AFG1L: variants seen among roughly 807,000 people sequenced by gnomAD.
AFG1L encodes AFG1 like ATPase.
AFG1L carries 53 observed loss-of-function variants against 62.2 expected under a neutral mutation model. The ratio of observed to expected loss-of-function variants is 0.85; its 90% CI spans 0.68 to 1.07. AFG1L has a LOEUF of 1.07. Among genes scored for constraint, AFG1L ranks in the 50% least tolerant of loss-of-function variants. The pLI is 0.00. For synonymous variants in AFG1L, 228 were observed against 210.3 expected (o/e 1.08, Z -0.73); for missense variants, 555 against 590.5 (o/e 0.94, Z 0.62).
Position 108,519,678 on chromosome 6 carries a change from C to G in AFG1L, c.1204-19C>G. 7.7e-7 allele frequency: 1 copy of G among 1,305,628 alleles called. No individual in the cohort carries two copies. The highest frequency in any genetic ancestry group is 1.1e-6 in the Non-Finnish European group (1 of 911,262). The allele number at this position is 1,305,628 out of a possible 1,614,324, so 80.9% of individuals were successfully genotyped here. On this transcript the variant is annotated intron_variant, in intron 11 of 12. Transcript: ENST00000368977. Reference sequence around the variant, plus strand: ...GAAATGTAAAGAGTAACACATTTACCCATTTTCTTCTATTTCAGGTGCGTA... The same window carrying G: ...GAAATGTAAAGAGTAACACATTTACGCATTTTCTTCTATTTCAGGTGCGTA...
intron 8 of AFG1L, among the ~76,000 whole-genome samples, chr6:108,459,519 C>T (rs1184614865): frequency 3.9e-5 from 6 of 152,158 alleles, no homozygotes; most frequent in Admixed American, 3.3e-4. Flanking sequence ...CTCTTATTCC[C>T]ATCATGGCCA....
chr6:108,402,012 A>T lies in AFG1L; in HGVS notation c.765A>T (p.Gly255=). Reference sequence around the variant, plus strand: ...TTCTTTCAGATCTCTATAAAAATGGACTCCAAAGAGCTAACTTTGTACCAT... The same window carrying T: ...TTCTTTCAGATCTCTATAAAAATGGTCTCCAAAGAGCTAACTTTGTACCAT... ...NRPPEDLYKN[G]LQRANFVPFI... is the part of the protein sequence containing the mutation. The change falls in exon 7 of 13, where the codon GGA becomes GGT. Residue 255 remains glycine, a synonymous_variant. Transcript: ENST00000368977. The T allele has an allele frequency of 6.6e-7, 1 of 1,503,814 alleles. No individual in the cohort carries two copies. Among genetic ancestry groups the T allele is most frequent in the Non-Finnish European group, 9.0e-7 (1 of 1,113,658 alleles). 93.2% of individuals were successfully genotyped at this position (1,503,814 alleles called of 1,614,324 possible).
chr6:108,345,429 G>C (rs945233965), intron 2 of AFG1L, among the ~76,000 whole-genome samples: 2 of 151,606 alleles, frequency 1.3e-5, no homozygotes, highest in African/African-American at 4.8e-5. Flanking sequence ...ATGTGATCTC[G>C]ATTCACTGTA....
In AFG1L at chr6:108,321,635, T is replaced by G. The variant is rs541433438; in HGVS notation, c.140-2190T>G. Among the ~76,000 whole-genome samples the G allele has an allele frequency of 2.4e-4, 36 of 152,334 alleles. No individual in the cohort carries two copies. In the South Asian group the frequency reaches 7.5e-3, roughly 32 times the overall value. ...ACCAGGGACAAAGATCAAATATATT[T>G]CTTATTATGCCACACTGGCAAATAT... On this transcript the variant is annotated intron_variant, in intron 1 of 12. Transcript: ENST00000368977.
intron 1 of AFG1L, among the ~76,000 whole-genome samples, chr6:108,315,664 T>C (rs899643266): frequency 2.0e-5 from 3 of 152,112 alleles, no homozygotes; most frequent in Non-Finnish European, 2.9e-5. Flanking sequence ...CACTGTAACC[T>C]CAAACTCCTG....
chr6:108,413,680 A>G (rs1782219433), intron 7 of AFG1L, among the ~76,000 whole-genome samples: 1 of 152,232 alleles, frequency 6.6e-6, no homozygotes, highest in South Asian at 2.1e-4. Flanking sequence ...TGGGTACATA[A>G]CAAAATGAAG....
chr6:108,348,111 C>T (rs1021256555), intron 3 of AFG1L, among the ~76,000 whole-genome samples: 1 of 152,126 alleles, frequency 6.6e-6, no homozygotes, highest in Non-Finnish European at 1.5e-5. Flanking sequence ...GATGGAGTCT[C>T]TCTCTGTCAC....
At chr6:108,496,900 A>G (rs990846302) in intron 10 of AFG1L, among the ~76,000 whole-genome samples, 1 of 152,172 alleles carries the variant, frequency 6.6e-6, no homozygotes, top group Non-Finnish European at 1.5e-5. Flanking sequence ...TTTTTTTATC[A>G]TGGCATGTTT....
At chr6:108,400,140 T>G (rs1391575585) in intron 6 of AFG1L, among the ~76,000 whole-genome samples, 1 of 152,124 alleles carries the variant, frequency 6.6e-6, no homozygotes, top group Non-Finnish European at 1.5e-5. Flanking sequence ...ACAAGGATAA[T>G]TTGACTGTTT....
intron 8 of AFG1L, among the ~76,000 whole-genome samples, chr6:108,451,930 G>T (rs1772073609): frequency 6.6e-6 from 1 of 152,092 alleles, no homozygotes; most frequent in Admixed American, 6.6e-5. Context: ...TGCCCGGCTG[G>T]TCTTGAACTC....
At chr6:108,297,435 G>T (rs1776806594) in intron 1 of AFG1L, among the ~76,000 whole-genome samples, 1 of 152,118 alleles carries the variant, frequency 6.6e-6, no homozygotes, top group Non-Finnish European at 1.5e-5. Flanking sequence ...GAAAATTTTA[G>T]TTGAAATTTT....
At chr6:108,487,047 A>G (rs1175177894) in intron 10 of AFG1L, among the ~76,000 whole-genome samples, 2 of 152,228 alleles carry the variant, frequency 1.3e-5, no homozygotes, top group African/African-American at 4.8e-5. Flanking sequence ...CTGTATGCCT[A>G]TGTTATGAGG....
At chr6:108,296,691 C>T (rs1776779344) in intron 1 of AFG1L, among the ~76,000 whole-genome samples, 1 of 152,142 alleles carries the variant, frequency 6.6e-6, no homozygotes, top group Non-Finnish European at 1.5e-5. Flanking sequence ...ATATCAATTT[C>T]ATATGAATAG....
chr6:108,309,106 A>G (rs1051992302), intron 1 of AFG1L, among the ~76,000 whole-genome samples: 6 of 152,190 alleles, frequency 3.9e-5, no homozygotes, highest in Non-Finnish European at 7.3e-5. Context: ...AGGTATTTTC[A>G]TATGTTCTTT....
chr6:108,458,789 TCCTG>T (rs1430079410), intron 8 of AFG1L, among the ~76,000 whole-genome samples: 1 of 152,218 alleles, frequency 6.6e-6, no homozygotes, highest in Non-Finnish European at 1.5e-5. Flanking sequence ...GAGCTGATTT[TCCTG>T]CCTTTCATGC....
chr6:108,488,362 G>A (rs567311670), intron 10 of AFG1L, among the ~76,000 whole-genome samples: 106 of 152,260 alleles, frequency 7.0e-4, no homozygotes, highest in African/African-American at 2.4e-3. Context: ...TAGTACTACA[G>A]GATCAGTATG....
intron 1 of AFG1L, among the ~76,000 whole-genome samples, chr6:108,319,384 G>A (rs139135720): frequency 7.7e-4 from 117 of 152,086 alleles, no homozygotes; most frequent in Non-Finnish European, 1.5e-3. Context: ...ATAGTTCCTA[G>A]TAGTAGTAAT....
intron 10 of AFG1L, among the ~76,000 whole-genome samples, chr6:108,509,129 C>T (rs1774534862): frequency 6.6e-6 from 1 of 152,212 alleles, no homozygotes; most frequent in South Asian, 2.1e-4. Flanking sequence ...GTAACATTTC[C>T]TGGGAGTGTT....
intron 8 of AFG1L, among the ~76,000 whole-genome samples, chr6:108,457,193 A>G (rs1772284218): frequency 6.6e-6 from 1 of 152,096 alleles, no homozygotes; most frequent in South Asian, 2.1e-4. Flanking sequence ...ACTTAGCATA[A>G]TGTTTTCAAA....
Sources: allele counts gnomAD v4.1 joint callset (sites outside exome capture counted in the v4.1 genomes callset), GRCh38; gene constraint gnomAD v4.1.1; transcripts MANE v1.5; gene names NCBI Gene and HGNC (gene_info 2026-07-23, HGNC 2026-07-21).